CDK19: variants seen among roughly 807,000 people sequenced by gnomAD.
The protein encoded by CDK19 is cyclin dependent kinase 19, also known as cyclin-dependent kinase 19.
A neutral mutation model predicts 68.3 loss-of-function variants in CDK19; 20 were observed. The observed-to-expected ratio is 0.29, with a 90% confidence interval of 0.21 to 0.43. CDK19 has a LOEUF of 0.43. CDK19 is among the 20% of genes least tolerant of loss of function. The pLI is 1.00. For missense variants in CDK19, 339 were observed against 623.5 expected, an observed-to-expected ratio of 0.54 and a Z score of 4.86; for synonymous variants, 221 against 222.8, an observed-to-expected ratio of 0.99 and a Z score of 0.07.
chr6:110,676,417 G>A (rs1460939761), intron 2 of CDK19, among the ~76,000 whole-genome samples: 1 of 152,138 alleles, frequency 6.6e-6, no homozygotes, highest in African/African-American at 2.4e-5. Flanking sequence ...GTAGTGGCAG[G>A]GTTTGAGAGG....
chr6:110,617,662 T>TATATACACACAC (rs755618032), intron 12 of CDK19, among the ~76,000 whole-genome samples: 5,039 of 106,888 alleles, frequency 0.047, 147 homozygotes, highest in South Asian at 0.074. Context: ...TATATATATA[T>TATATACACACAC]ACACACACAC....
chr6:110,696,094 C>T (rs1167458095), intron 2 of CDK19, among the ~76,000 whole-genome samples: 2 of 152,114 alleles, frequency 1.3e-5, no homozygotes, highest in African/African-American at 4.8e-5. Flanking sequence ...ATGCAAACAT[C>T]CTCAACAAAA....
In CDK19 at chr6:110,621,061, C is replaced by G; in HGVS notation, c.1377+43G>C. The G allele has an allele frequency of 6.5e-7, 1 of 1,542,726 alleles. No homozygotes were observed. Among genetic ancestry groups the G allele is most frequent in the Non-Finnish European group, 8.8e-7 (1 of 1,138,940 alleles). The stretch of plus-strand genomic sequence containing the variant: ...AAAAGGATCTAGGATAAATCTTTTC[C>G]CCACTTCATAAAGCATATGAACATT... On this transcript the variant is annotated intron_variant, in intron 12 of 12. Coordinates refer to ENST00000368911, the MANE Select transcript of CDK19 (RefSeq NM_015076.5). This position sits in a 1 kb window ranked among gnomAD's most constrained non-coding sequence, Gnocchi z 5.4.
intron 1 of CDK19, among the ~76,000 whole-genome samples, chr6:110,810,376 G>A (rs1431278111): frequency 6.6e-6 from 1 of 152,192 alleles, no homozygotes; most frequent in Non-Finnish European, 1.5e-5. Flanking sequence ...GACACTAGCA[G>A]CAATTTGGAT....
chr6:110,706,916 C>A, intron 2 of CDK19: 1 of 157,662 alleles, frequency 6.3e-6, no homozygotes, highest in East Asian at 1.8e-4. Context: ...CAGTGCTACT[C>A]CTCTTTCCCT....
chr6:110,674,904 A>C (rs1029963547), intron 2 of CDK19, among the ~76,000 whole-genome samples: 27 of 150,688 alleles, frequency 1.8e-4, no homozygotes, highest in Admixed American at 1.5e-3. Flanking sequence ...TCTGTCTCAA[A>C]AAAAAAAAAA....
intron 1 of CDK19, among the ~76,000 whole-genome samples, chr6:110,789,139 T>G (rs182176608): frequency 8.0e-4 from 122 of 152,330 alleles, no homozygotes; most frequent in South Asian, 1.5e-3. Context: ...ATTATTATAT[T>G]AAGTAGTACA....
chr6:110,669,444 T>C (rs1378722351), intron 3 of CDK19, among the ~76,000 whole-genome samples: 1 of 152,138 alleles, frequency 6.6e-6, no homozygotes, highest in African/African-American at 2.4e-5. Context: ...GCCATTGCAC[T>C]CCAGCCTGGG....
At chr6:110,770,316 C>CAGTT (rs1469109995) in intron 1 of CDK19, among the ~76,000 whole-genome samples, 1 of 152,174 alleles carries the variant, frequency 6.6e-6, no homozygotes, top group Non-Finnish European at 1.5e-5. Flanking sequence ...ATTGGACTTA[C>CAGTT]AGTTCCACAT....
intron 1 of CDK19, among the ~76,000 whole-genome samples, chr6:110,798,686 C>T (rs548049843): frequency 3.1e-4 from 45 of 144,574 alleles, no homozygotes; most frequent in African/African-American, 1.1e-3. Context: ...CAAGATATAC[C>T]AGAAGACATG....
In CDK19 at chr6:110,815,176, C is replaced by A. The variant is rs775658015; in HGVS notation, c.-40G>T. 1 of 1,554,654 alleles carries A rather than the reference C, an allele frequency of 6.4e-7. No homozygotes were observed. The highest frequency in any genetic ancestry group is 8.7e-7 in the Non-Finnish European group (1 of 1,151,522). On this transcript the variant is annotated 5_prime_UTR_variant, in exon 1 of 13. Coordinates refer to ENST00000368911, the MANE Select transcript of CDK19 (RefSeq NM_015076.5). The stretch of plus-strand genomic sequence containing the variant: ...ATAGAGGCACGGGACGCGGGGGCCG[C>A]CGCCGCTCAGTCCCTCCTCCTCCTC...
intron 1 of CDK19, among the ~76,000 whole-genome samples, chr6:110,767,094 C>G (rs1779647783): frequency 1.3e-5 from 2 of 151,600 alleles, no homozygotes; most frequent in African/African-American, 4.9e-5. Flanking sequence ...GATTGTGCCA[C>G]TGCACTCCAG....
At chr6:110,626,143 A>G (rs1002235549) in intron 8 of CDK19, among the ~76,000 whole-genome samples, 1 of 152,224 alleles carries the variant, frequency 6.6e-6, no homozygotes, top group Non-Finnish European at 1.5e-5. Context: ...CCTAGAACTG[A>G]GAACTTTATT....
At chr6:110,680,809 C>T (rs893648058) in intron 2 of CDK19, among the ~76,000 whole-genome samples, 9 of 151,906 alleles carry the variant, frequency 5.9e-5, no homozygotes, top group African/African-American at 2.2e-4. Flanking sequence ...CCAGCCTGGA[C>T]AACATGGCAA....
intron 4 of CDK19, among the ~76,000 whole-genome samples, chr6:110,658,697 A>G (rs566347715): frequency 1.9e-4 from 29 of 152,190 alleles, no homozygotes; most frequent in Non-Finnish European, 3.8e-4. Flanking sequence ...AGGATAAAAC[A>G]CAGCCTACTT....
At chr6:110,624,175 T>A (rs1778939239) in intron 8 of CDK19, among the ~76,000 whole-genome samples, 1 of 151,912 alleles carries the variant, frequency 6.6e-6, no homozygotes. Context: ...ACTAGAACTA[T>A]AATAAAAACT....
chr6:110,806,621 C>A lies in CDK19; in HGVS notation c.128+8388G>T, dbSNP rs572297767. ...GTCAATACAATGAGATACAACAAAA[C>A]TATTAAGAGAAACAAGGCATCTCTG... On this transcript the variant is annotated intron_variant, in intron 1 of 12. Coordinates refer to ENST00000368911, the MANE Select transcript of CDK19 (RefSeq NM_015076.5). 1.6e-4 allele frequency among the ~76,000 whole-genome samples: 24 copies of A among 152,214 alleles called. 1 individual carries two copies. In the South Asian group the frequency reaches 4.6e-3, roughly 29 times the overall value.
intron 6 of CDK19, among the ~76,000 whole-genome samples, chr6:110,628,460 G>C (rs545336711): frequency 6.6e-6 from 1 of 152,208 alleles, no homozygotes; most frequent in Non-Finnish European, 1.5e-5. Context: ...ATTCTGAGCA[G>C]TGTGATGAAA....
chr6:110,808,970 G>A (rs1782872941), intron 1 of CDK19, among the ~76,000 whole-genome samples: 1 of 151,862 alleles, frequency 6.6e-6, no homozygotes, highest in Admixed American at 6.6e-5. Context: ...ACTTTGGGAG[G>A]CCGAGGCAAG....
Sources: gnomAD v4.1 joint callset for allele counts (sites outside exome capture counted in the v4.1 genomes callset) on GRCh38, gnomAD v4.1.1 for gene constraint, Gnocchi (gnomAD v3.1) non-coding constraint, MANE v1.5 for transcripts, NCBI Gene and HGNC (gene_info 2026-07-23, HGNC 2026-07-21) for gene names.